The following PATJ variants were observed in gnomAD, a reference collection of about 807,000 sequenced individuals.
The protein encoded by PATJ is PATJ crumbs cell polarity complex component, also known as inaD-like protein.
In PATJ, 190 loss-of-function variants were observed where a neutral mutation model predicts 224.9. The observed-to-expected ratio is 0.84, with a 90% confidence interval of 0.75 to 0.95. The LOEUF (loss-of-function observed/expected upper bound fraction) is 0.95, where lower values mean the gene tolerates loss of function less well. Among genes scored for constraint, PATJ ranks in the 40% least tolerant of loss-of-function variants. The probability of loss-of-function intolerance (pLI) is 0.00; values close to 1 mark genes in which losing one functional copy is unlikely to be tolerated. For missense variants in PATJ, 2,121 were observed against 2,270.3 expected (o/e 0.93, Z 1.34); for synonymous variants, 769 against 820.3 (o/e 0.94, Z 1.07).
At chr1:61,814,547 TGC>T (rs1553168028) in intron 14 of PATJ, among the ~76,000 whole-genome samples, 4,738 of 142,522 alleles carry the variant, frequency 0.033, 304 homozygotes, top group East Asian at 0.31. Context: ...TGTGTGTGTG[TGC>T]GCGCGCGCGC....
chr1:61,760,359 C>T (rs1645894495), intron 1 of PATJ, among the ~76,000 whole-genome samples: 1 of 152,100 alleles, frequency 6.6e-6, no homozygotes, highest in Non-Finnish European at 1.5e-5. Flanking sequence ...CATTCAGCCA[C>T]CATATCCAGG....
At chr1:62,125,678 T>G (rs527899696) in intron 39 of PATJ, among the ~76,000 whole-genome samples, 16 of 152,368 alleles carry the variant, frequency 1.1e-4, no homozygotes, top group Non-Finnish European at 1.6e-4. Context: ...TTATATTTCC[T>G]TAGTCATTTC....
At chr1:61,970,505 T>C (rs772564218) in intron 27 of PATJ, among the ~76,000 whole-genome samples, 9 of 152,186 alleles carry the variant, frequency 5.9e-5, no homozygotes, top group Non-Finnish European at 8.8e-5. Flanking sequence ...TTTACTGCCA[T>C]GAAAATCCTT....
chr1:62,060,491 C>G (rs1655245506), intron 31 of PATJ, among the ~76,000 whole-genome samples: 2 of 152,060 alleles, frequency 1.3e-5, no homozygotes, highest in African/African-American at 4.8e-5. Flanking sequence ...CCTCAGCCTC[C>G]CAAGTAGCTA....
intron 31 of PATJ, chr1:62,073,364 T>C: frequency 1.0e-6 from 1 of 978,650 alleles, no homozygotes; most frequent in Non-Finnish European, 1.2e-6. Flanking sequence ...GGCTCATGCT[T>C]GTAATCCCAC....
chr1:61,865,087 C>T (rs1665189794), intron 20 of PATJ, among the ~76,000 whole-genome samples: 1 of 151,798 alleles, frequency 6.6e-6, no homozygotes, highest in Non-Finnish European at 1.5e-5. Flanking sequence ...ATGTATGATG[C>T]TAAAAGCACT....
intron 20 of PATJ, among the ~76,000 whole-genome samples, chr1:61,872,894 C>T (rs1045617696): frequency 3.9e-5 from 6 of 152,120 alleles, no homozygotes; most frequent in African/African-American, 1.4e-4. Flanking sequence ...TGCTGGGGCT[C>T]TGCTACCTTG....
chr1:62,145,726 C>T lies in PATJ; in HGVS notation c.5272-2558C>T, dbSNP rs147777040. 3.9e-3 allele frequency among the ~76,000 whole-genome samples: 589 copies of T among 151,866 alleles called. 4 individuals carry two copies. The highest frequency in any genetic ancestry group is 0.013 in the African/African-American group (557 of 41,420). ...AACTCAGCACTTTGGGAGGCCAAGG[C>T]GGGCAGATCACTTGAGGTCAGGAGT... On this transcript the variant is annotated intron_variant, in intron 41 of 43. Coordinates refer to ENST00000642238, the MANE Select transcript of PATJ (RefSeq NM_001350145.3).
chr1:62,037,886 T>C (rs1041103163), intron 29 of PATJ, 91 bp from the exon 30 acceptor site: 3 of 598,320 alleles, frequency 5.0e-6, no homozygotes, highest in Non-Finnish European at 8.7e-6. Flanking sequence ...GTGTGTGCAT[T>C]TTCAACTGAG....
intron 29 of PATJ, among the ~76,000 whole-genome samples, chr1:62,019,242 CAA>C (rs57010731): frequency 2.7e-4 from 23 of 85,798 alleles, no homozygotes; most frequent in Admixed American, 4.2e-4. Context: ...GAGATTGTCT[CAA>C]AAAAAAAAAA....
intron 27 of PATJ, among the ~76,000 whole-genome samples, chr1:61,937,596 T>C (rs1047519433): frequency 6.6e-6 from 1 of 150,848 alleles, no homozygotes; most frequent in Non-Finnish European, 1.5e-5. Context: ...GACTTAGAGA[T>C]AAAATACTAG....
chr1:61,965,470 G>C lies in PATJ; in HGVS notation c.3671-24698G>C, dbSNP rs372693750. On this transcript the variant is annotated intron_variant, in intron 27 of 43. Transcript: ENST00000642238. Reference sequence around the variant, plus strand: ...CTGTACTTGTTTTTGATACCTCTGAGCCCAAAGTTACCTAACCATTTAGTG... The same window carrying C: ...CTGTACTTGTTTTTGATACCTCTGACCCCAAAGTTACCTAACCATTTAGTG... Among the ~76,000 whole-genome samples, 16 of 152,074 alleles carry C rather than the reference G, an allele frequency of 1.1e-4. No homozygotes were observed. In the East Asian group the frequency reaches 1.7e-3, roughly 16 times the overall value.
In PATJ at chr1:62,103,702, C is replaced by T. The variant is rs138269811; in HGVS notation, c.4378-4735C>T. On this transcript the variant is annotated intron_variant, in intron 33 of 43. Transcript: ENST00000642238. ...CTGGGAGGTGGAGGTTGCAGTGAGCCGAGATTGCACCATTGCACTCCAGCC... is the reference window on the plus strand; with the variant it reads ...CTGGGAGGTGGAGGTTGCAGTGAGCTGAGATTGCACCATTGCACTCCAGCC... Among the ~76,000 whole-genome samples, 456 of 150,690 alleles carry T rather than the reference C, an allele frequency of 3.0e-3. 1 individual carries two copies. Among genetic ancestry groups the T allele is most frequent in the Middle Eastern group, 0.014 (4 of 294 alleles).
chr1:61,912,401 C>T (rs1672790225), intron 25 of PATJ, among the ~76,000 whole-genome samples: 1 of 151,930 alleles, frequency 6.6e-6, no homozygotes, highest in South Asian at 2.1e-4. Context: ...GGAGACCAGC[C>T]TGGCCAACAT....
chr1:61,744,008 C>T (rs976279939), intron 1 of PATJ, among the ~76,000 whole-genome samples: 2 of 151,986 alleles, frequency 1.3e-5, no homozygotes, highest in Non-Finnish European at 2.9e-5. Context: ...CATTACTGGG[C>T]AGGTGTTATG....
At chr1:62,020,889 G>A (rs1647039327) in intron 29 of PATJ, among the ~76,000 whole-genome samples, 3 of 152,044 alleles carry the variant, frequency 2.0e-5, no homozygotes, top group East Asian at 1.9e-4. Flanking sequence ...GCAGTGGTGC[G>A]ATCTTGGCAC....
chr1:61,840,255 CT>C (rs1422382204), intron 17 of PATJ, among the ~76,000 whole-genome samples: 1 of 151,884 alleles, frequency 6.6e-6, no homozygotes, highest in African/African-American at 2.4e-5. Context: ...TTTAAGTTGT[CT>C]TTTTCCTTAC....
intron 18 of PATJ, among the ~76,000 whole-genome samples, chr1:61,860,592 G>A (rs1208034782): frequency 6.6e-6 from 1 of 152,144 alleles, no homozygotes; most frequent in Non-Finnish European, 1.5e-5. Context: ...GGGAGGCGGA[G>A]GCGGGCAGAT....
At chr1:62,017,413 C>CAAA (rs58031818) in intron 28 of PATJ, among the ~76,000 whole-genome samples, 5 of 134,560 alleles carry the variant, frequency 3.7e-5, no homozygotes, top group African/African-American at 8.3e-5. Flanking sequence ...GACTCCGCCT[C>CAAA]AAAAAAAAAA....
Sources: gnomAD v4.1 joint callset for allele counts (sites outside exome capture counted in the v4.1 genomes callset) on GRCh38, gnomAD v4.1.1 for gene constraint, MANE v1.5 for transcripts, NCBI Gene and HGNC (gene_info 2026-07-23, HGNC 2026-07-21) for gene names.